Variants in NOL7 observed in about 807,000 individuals in gnomAD.
NOL7 encodes the protein nucleolar protein 7.
In NOL7, 36 loss-of-function variants were observed where a neutral mutation model predicts 38.4. That is an observed-to-expected ratio of 0.94 (90% CI 0.72 to 1.24). The LOEUF (loss-of-function observed/expected upper bound fraction) is 1.24. NOL7 is among the 50% of genes most tolerant of loss of function. The probability of loss-of-function intolerance (pLI) is 0.00; values close to 1 mark genes in which losing one functional copy is unlikely to be tolerated. For missense variants in NOL7, 350 were observed against 315.1 expected, an observed-to-expected ratio of 1.11 and a Z score of -0.84; for synonymous variants, 142 against 126.5, an observed-to-expected ratio of 1.12 and a Z score of -0.82.
In NOL7 at chr6:13,621,498, T is replaced by G. The variant is rs1764444030; in HGVS notation, c.*671T>G. ...ATATATAAACTCAATTGACACTGTATCTGTAGAAGTAAATTTTTAATGGCT... is the reference window on the plus strand; with the variant it reads ...ATATATAAACTCAATTGACACTGTAGCTGTAGAAGTAAATTTTTAATGGCT... On this transcript the variant is annotated 3_prime_UTR_variant, in exon 8 of 8. Transcript: ENST00000451315. 1.3e-5 allele frequency: 2 copies of G among 152,672 alleles called. No individual in the cohort carries two copies. Among genetic ancestry groups the G allele is most frequent in the South Asian group, 4.1e-4 (2 of 4,834 alleles). 9.5% of individuals were successfully genotyped at this position (152,672 alleles called of 1,614,324 possible).
rs191255125 is a variant in NOL7, at chr6:13,620,958, C to A, written c.*131C>A. On this transcript the variant is annotated 3_prime_UTR_variant, in exon 8 of 8. Transcript: ENST00000451315. ...AGGAAGTGCTCAACCACATTTCATTCTTCTGGAGTAGAACTGTGCCTTGCA... is the reference window on the plus strand; with the variant it reads ...AGGAAGTGCTCAACCACATTTCATTATTCTGGAGTAGAACTGTGCCTTGCA... The A allele has an allele frequency of 3.9e-5, 23 of 594,440 alleles. No homozygotes were observed. Among genetic ancestry groups the A allele is most frequent in the Non-Finnish European group, 5.5e-5 (19 of 343,598 alleles). 36.8% of individuals were successfully genotyped at this position (594,440 alleles called of 1,614,324 possible). A position where few individuals can be genotyped will look rare whatever the true frequency, so the allele number is the denominator to read the frequency against.
rs1394792469 is a variant in NOL7 at position 13,621,499 on chromosome 6, C to G, written c.*672C>G. 6.6e-6 allele frequency: 1 copy of G among 152,586 alleles called. No individual in the cohort carries two copies. Among genetic ancestry groups the G allele is most frequent in the Non-Finnish European group, 1.5e-5 (1 of 68,036 alleles). 9.5% of individuals were successfully genotyped at this position (152,586 alleles called of 1,614,324 possible). On this transcript the variant is annotated 3_prime_UTR_variant, in exon 8 of 8. Coordinates refer to ENST00000451315, the MANE Select transcript of NOL7 (RefSeq NM_016167.5). ...TATATAAACTCAATTGACACTGTAT[C>G]TGTAGAAGTAAATTTTTAATGGCTG...
rs1474446328 is a variant in NOL7, at chr6:13,615,720, C to G, written c.275C>G (p.Thr92Arg). The change falls in exon 2 of 8, where the codon ACG becomes AGG. Residue 92 changes from threonine (T) to arginine (R), a missense_variant. Thr to Arg is a moderately conservative substitution (Grantham distance 71). Transcript: ENST00000451315. ...ATCACCCTTCCTCCCAGGGATAAAACGCTCCTGAAGGAGAAGAGGAAGCGA... is the reference window on the plus strand; with the variant it reads ...ATCACCCTTCCTCCCAGGGATAAAAGGCTCCTGAAGGAGAAGAGGAAGCGA... ...RVRETVRRDK[T>R]LLKEKRKRRE... 7.4e-6 allele frequency: 12 copies of G among 1,614,232 alleles called. No homozygotes were observed. Among genetic ancestry groups the G allele is most frequent in the African/African-American group, 2.7e-5 (2 of 75,058 alleles).
chr6:13,617,974 G>T, intron 4 of NOL7, 84 bp from the exon 5 acceptor site: 3 of 974,458 alleles, frequency 3.1e-6, no homozygotes, highest in Middle Eastern at 2.2e-4. Flanking sequence ...TTGGTGTGTA[G>T]TGGATGCTTA....
chr6:13,620,575 C>T lies in NOL7; in HGVS notation c.700+90C>T, dbSNP rs1764415639. On this transcript the variant is annotated intron_variant, in intron 7 of 7. Coordinates refer to ENST00000451315, the MANE Select transcript of NOL7 (RefSeq NM_016167.5). ...GAGATAGTTCATAATTATACTTTTC[C>T]CCCTTATAATGGCTTATATATTAAG... is the stretch of plus-strand genomic sequence containing the variant. 3.8e-6 allele frequency: 5 copies of T among 1,319,662 alleles called. No homozygotes were observed. The East Asian group carries it at 7.1e-5, about 19-fold the overall frequency. The allele number at this position is 1,319,662 out of a possible 1,614,324, so 81.7% of individuals were successfully genotyped here. A position where few individuals can be genotyped will look rare whatever the true frequency, so the allele number is the denominator to read the frequency against.
Position 13,621,391 on chromosome 6 carries a change from T to C in NOL7, c.*564T>C, listed in dbSNP as rs1764439681. ...GTAAACTGAAGGCAATTTTAGGTTGTAGAACTCAGATTAATTGTAGAAACC... is the reference window on the plus strand; with the variant it reads ...GTAAACTGAAGGCAATTTTAGGTTGCAGAACTCAGATTAATTGTAGAAACC... On this transcript the variant is annotated 3_prime_UTR_variant, in exon 8 of 8. Coordinates refer to ENST00000451315, the MANE Select transcript of NOL7 (RefSeq NM_016167.5). The C allele has an allele frequency of 6.6e-6, 1 of 152,570 alleles. No homozygotes were observed. Among genetic ancestry groups the C allele is most frequent in the Non-Finnish European group, 1.5e-5 (1 of 68,036 alleles). 9.5% of individuals were successfully genotyped at this position (152,570 alleles called of 1,614,324 possible).
chr6:13,624,873 G>T (rs116133828), downstream of NOL7, among the ~76,000 whole-genome samples: 19 of 152,076 alleles, frequency 1.2e-4, no homozygotes, highest in African/African-American at 4.1e-4. Context: ...TGATCCTGCC[G>T]GGTACTCACA....
In NOL7 at chr6:13,620,173, G is replaced by C. The variant is rs745792037; in HGVS notation, c.501-35G>C. 5 of 1,584,366 alleles carry C rather than the reference G, an allele frequency of 3.2e-6. No homozygotes were observed. The East Asian group carries it at 1.1e-4, about 35-fold the overall frequency. Reference sequence around the variant, plus strand: ...GAAAAAAAAAAGAAAGTAAGCATGTGTAATTCTTATTTAACCTTTTATATT... The same window carrying C: ...GAAAAAAAAAAGAAAGTAAGCATGTCTAATTCTTATTTAACCTTTTATATT... On this transcript the variant is annotated intron_variant, in intron 5 of 7. Coordinates refer to ENST00000451315, the MANE Select transcript of NOL7 (RefSeq NM_016167.5).
downstream of NOL7, chr6:13,625,695 G>C (rs771857675): frequency 6.8e-6 from 11 of 1,613,054 alleles, no homozygotes; most frequent in Non-Finnish European, 9.3e-6. Flanking sequence ...GGTTCTCTCT[G>C]AATCGGGTCA....
At chr6:13,617,676 G>A (rs1764327231) in intron 3 of NOL7, 94 bp from the exon 4 acceptor site, 1 of 1,154,998 alleles carries the variant, frequency 8.7e-7, no homozygotes, top group South Asian at 1.3e-5. Context: ...AATGAAAGGG[G>A]GTGTCTTACT....
At chr6:13,617,240 C>T (rs888794327) in intron 3 of NOL7, among the ~76,000 whole-genome samples, 3 of 150,258 alleles carry the variant, frequency 2.0e-5, no homozygotes, top group African/African-American at 7.5e-5. Context: ...TTTACCTTCT[C>T]ATTTGCCCCC....
At chr6:13,626,071 G>A (rs1443101102), downstream of NOL7, among the ~76,000 whole-genome samples, 1 of 152,032 alleles carries the variant, frequency 6.6e-6, no homozygotes, top group Non-Finnish European at 1.5e-5. Flanking sequence ...AGAGTGGAAG[G>A]CAAAACATTC....
chr6:13,628,904 G>A (rs1319118133), intron 8 of NOL7, among the ~76,000 whole-genome samples: 2 of 152,176 alleles, frequency 1.3e-5, no homozygotes, highest in African/African-American at 4.8e-5. Context: ...CTGAAAACCA[G>A]TATAGCAACA....
intron 8 of NOL7, among the ~76,000 whole-genome samples, chr6:13,627,166 TC>T (rs1186863533): frequency 6.6e-6 from 1 of 152,186 alleles, no homozygotes; most frequent in East Asian, 1.9e-4. Flanking sequence ...GGAAGATAAT[TC>T]ATATGCCTGT....
At chr6:13,631,067 C>G (rs1764768488) in intron 8 of NOL7, among the ~76,000 whole-genome samples, 1 of 152,278 alleles carries the variant, frequency 6.6e-6, no homozygotes, top group African/African-American at 2.4e-5. Context: ...CTCAGCCTCC[C>G]AAAGTGCTGG....
Position 13,620,875 on chromosome 6 carries a change from TAATA to T in NOL7, c.*52_*55del, listed in dbSNP as rs757391637. On this transcript the variant is annotated 3_prime_UTR_variant, in exon 8 of 8. Transcript: ENST00000451315. Reference sequence around the variant, plus strand: ...GTACTTTGTATGTATAGAATTTATCTAATAAATCATTCATAGATCATTTTAAAGG... The same window carrying T: ...GTACTTTGTATGTATAGAATTTATCTAATCATTCATAGATCATTTTAAAGG... The T allele has an allele frequency of 8.6e-5, 95 of 1,100,764 alleles. No individual in the cohort carries two copies. Among genetic ancestry groups the T allele is most frequent in the East Asian group, 1.7e-4 (7 of 40,638 alleles). 68.2% of individuals were successfully genotyped at this position (1,100,764 alleles called of 1,614,324 possible). A position where few individuals can be genotyped will look rare whatever the true frequency, so the allele number is the denominator to read the frequency against.
downstream of NOL7, chr6:13,622,268 A>G: frequency 1.6e-6 from 2 of 1,283,688 alleles, no homozygotes; most frequent in Non-Finnish European, 2.0e-6. Flanking sequence ...CCCAGTACAT[A>G]ATTTAAAAAA....
chr6:13,625,480 C>T (rs4712058), downstream of NOL7, among the ~76,000 whole-genome samples: 148,607 of 152,330 alleles, frequency 0.98, 72,511 homozygotes, highest in East Asian at 1. Context: ...TTTAAATCCA[C>T]TTGAATCTGG....
chr6:13,620,856 T>C lies in NOL7; in HGVS notation c.*29T>C. ...AATGCTAAATGAAGAATCTGTACTTTGTATGTATAGAATTTATCTAATAAA... is the reference window on the plus strand; with the variant it reads ...AATGCTAAATGAAGAATCTGTACTTCGTATGTATAGAATTTATCTAATAAA... On this transcript the variant is annotated 3_prime_UTR_variant, in exon 8 of 8. Transcript: ENST00000451315. 1 of 1,295,366 alleles carries C rather than the reference T, an allele frequency of 7.7e-7. No homozygotes were observed. Among genetic ancestry groups the C allele is most frequent in the Non-Finnish European group, 1.1e-6 (1 of 914,088 alleles). 80.2% of individuals were successfully genotyped at this position (1,295,366 alleles called of 1,614,324 possible).
Sources: allele counts gnomAD v4.1 joint callset (sites outside exome capture counted in the v4.1 genomes callset), GRCh38; gene constraint gnomAD v4.1.1; transcripts MANE v1.5; gene names NCBI Gene and HGNC (gene_info 2026-07-23, HGNC 2026-07-21).